EPG5: variants seen among roughly 807,000 people sequenced by gnomAD.
The protein encoded by EPG5 is ectopic P-granules 5 autophagy tethering factor.
Under a neutral mutation model 302.7 loss-of-function variants are expected in EPG5, and 159 were observed. The ratio of observed to expected loss-of-function variants is 0.53; its 90% CI spans 0.46 to 0.60. The LOEUF is 0.60. Among genes scored for constraint, EPG5 ranks in the 20% least tolerant of loss-of-function variants. The pLI is 0.00. For missense variants in EPG5, 2,896 were observed against 3,092.4 expected (o/e 0.94, Z 1.51); for synonymous variants, 1,158 against 1,136.8 (o/e 1.02, Z -0.37).
At chr18:45,939,453 C>A in intron 10 of EPG5, 147 bp downstream of exon 10, 1 of 699,846 alleles carries the variant, frequency 1.4e-6, no homozygotes, top group South Asian at 2.1e-5. Flanking sequence ...ATAAGGAAAC[C>A]AAGGCCCAAG....
chr18:45,904,036 G>T lies in EPG5; in HGVS notation c.4411C>A (p.Leu1471Ile). 6.2e-7 allele frequency: 1 copy of T among 1,613,382 alleles called. No homozygotes were observed. Residue 1471 changes from leucine (L) to isoleucine (I), a missense_variant, in exon 25 of 44, where the codon CTT becomes ATT. By Grantham distance (5) the Leu-to-Ile change is conservative. Coordinates refer to ENST00000282041, the MANE Select transcript of EPG5 (RefSeq NM_020964.3). Reference protein sequence around the residue: ...ETVGLWTQAKLESHSTPCSLS... With the variant: ...ETVGLWTQAKIESHSTPCSLS... ...CTGCAGGGTGTGGAATGGGACTCAAGCTTGGCCTGTGTCCACAGACCAACA... is the reference window on the plus strand; with the variant it reads ...CTGCAGGGTGTGGAATGGGACTCAATCTTGGCCTGTGTCCACAGACCAACA...
At chr18:45,813,853 C>T in the EPG5 span, among the ~76,000 whole-genome samples, 4 of 151,488 alleles carry the variant, frequency 2.6e-5, no homozygotes, top group African/African-American at 4.9e-5. Flanking sequence ...ACATGGCGCA[C>T]GTATACATAT....
intron 1 of EPG5, among the ~76,000 whole-genome samples, chr18:45,956,196 A>G (rs184855243): frequency 9.0e-4 from 137 of 152,342 alleles, no homozygotes; most frequent in Non-Finnish European, 1.6e-3. Context: ...CCCAGTAATG[A>G]GTAACCTCAA....
chr18:45,890,974 G>A (rs955545413), intron 27 of EPG5, among the ~76,000 whole-genome samples: 13 of 152,208 alleles, frequency 8.5e-5, no homozygotes, highest in African/African-American at 2.6e-4. Flanking sequence ...ACATTTAGAA[G>A]GCAAGAGTTC....
chr18:45,912,252 A>T (rs2049922188), intron 22 of EPG5, 38 bp downstream of exon 22: 1 of 1,515,722 alleles, frequency 6.6e-7, no homozygotes. Context: ...CAAAGGCAGA[A>T]ATGGACTCAC....
intron 21 of EPG5, among the ~76,000 whole-genome samples, chr18:45,913,090 C>CAAAAAAAAAAAAAAAA (rs34356703): frequency 9.2e-6 from 1 of 108,350 alleles, no homozygotes. Context: ...GACTCTGTCT[C>CAAAAAAAAAAAAAAAA]AAAAAAAAAA....
chr18:45,846,936 A>C (rs1278073085), downstream of EPG5, among the ~76,000 whole-genome samples: 1 of 152,248 alleles, frequency 6.6e-6, no homozygotes, highest in African/African-American at 2.4e-5. Flanking sequence ...GGGTCCCCAC[A>C]AAGATGCCCA....
Position 45,855,477 on chromosome 18 carries a change from A to G in EPG5, c.7557+96T>C. On this transcript the variant is annotated intron_variant, in intron 43 of 43. Coordinates refer to ENST00000282041, the MANE Select transcript of EPG5 (RefSeq NM_020964.3). ...GAACACTGTGCTACCACCACAGAGC[A>G]TCATGTCATGACGCGCACAGGCTAC... 3 of 794,248 alleles carry G rather than the reference A, an allele frequency of 3.8e-6. No homozygotes were observed. In the South Asian group the frequency reaches 4.9e-5, roughly 13 times the overall value. The allele number at this position is 794,248 out of a possible 1,614,324, so 49.2% of individuals were successfully genotyped here.
Position 45,923,374 on chromosome 18 carries a change from A to C in EPG5, c.2732T>G (p.Leu911Arg). Residue 911 changes from leucine to arginine, a missense_variant, in exon 15 of 44, where the codon CTG (leucine) becomes CGG (arginine). Physicochemically the swap from Leu to Arg is moderately radical, Grantham distance 102. Transcript: ENST00000282041. ...CACTTCAGCATGGACTGCTTGATCC[A>C]GATGAAGGGTAGCCTTTTAAAGAGA... ...WGFAKQATLHLDQAVHAEVAL... is the reference protein window; with the variant it reads ...WGFAKQATLHRDQAVHAEVAL... The C allele has an allele frequency of 6.2e-7, 1 of 1,613,050 alleles. No individual in the cohort carries two copies.
chr18:45,824,525 A>T, the EPG5 span, among the ~76,000 whole-genome samples: 1 of 152,234 alleles, frequency 6.6e-6, no homozygotes, highest in African/African-American at 2.4e-5. Flanking sequence ...ATGAAATGTC[A>T]TGAAAGGGTT....
intron 1 of EPG5, among the ~76,000 whole-genome samples, chr18:45,957,369 C>T (rs1183231902): frequency 1.3e-5 from 2 of 152,184 alleles, no homozygotes; most frequent in African/African-American, 4.8e-5. Flanking sequence ...ATGCATACCT[C>T]ATACAAACTA....
chr18:45,917,716 A>G lies in EPG5; in HGVS notation c.3202T>C (p.Phe1068Leu), dbSNP rs768198385. The G allele has an allele frequency of 6.2e-7, 1 of 1,614,172 alleles. No individual in the cohort carries two copies. Among genetic ancestry groups the G allele is most frequent in the Non-Finnish European group, 8.5e-7 (1 of 1,180,006 alleles). Residue 1068 changes from phenylalanine to leucine, a missense_variant, in exon 17 of 44, where the codon TTT becomes CTT. Phe to Leu is a conservative substitution (Grantham distance 22). Around this residue, in one of 5 missense-constraint regions of EPG5, gnomAD observed 1,390 missense variants for 1,430.0 expected, o/e 0.97. Coordinates refer to ENST00000282041, the MANE Select transcript of EPG5 (RefSeq NM_020964.3). Reference sequence around the variant, plus strand: ...AGAAGGTAATACTGGCAAGGGTAAAATAAAGGCAGAATCTTATCCAGGACA... The same window carrying G: ...AGAAGGTAATACTGGCAAGGGTAAAGTAAAGGCAGAATCTTATCCAGGACA... ...VHVLDKILPL[F>L]YPCQYYLLKN...
intron 43 of EPG5, among the ~76,000 whole-genome samples, chr18:45,854,228 C>T (rs1486556425): frequency 6.6e-6 from 1 of 152,238 alleles, no homozygotes; most frequent in Non-Finnish European, 1.5e-5. Context: ...GCTGTCTAGG[C>T]AATGAGTGAC....
intron 22 of EPG5, among the ~76,000 whole-genome samples, chr18:45,911,996 G>T (rs1463490905): frequency 1.3e-5 from 2 of 152,154 alleles, no homozygotes; most frequent in Non-Finnish European, 2.9e-5. Flanking sequence ...GTTTAAGGCA[G>T]TTGCTCTCCC....
chr18:45,940,790 T>C (rs1057139275), intron 9 of EPG5, among the ~76,000 whole-genome samples: 4 of 152,150 alleles, frequency 2.6e-5, no homozygotes, highest in African/African-American at 7.2e-5. Flanking sequence ...TGCAGTTAGA[T>C]TGAATGTGGG....
rs553120917 is a variant in EPG5, at chr18:45,923,179, T to C, written c.2838+89A>G. 2.9e-6 allele frequency: 4 copies of C among 1,375,364 alleles called. No homozygotes were observed. In the African/African-American group the frequency reaches 4.3e-5, roughly 15 times the overall value. 85.2% of individuals were successfully genotyped at this position (1,375,364 alleles called of 1,614,324 possible). On this transcript the variant is annotated intron_variant, in intron 15 of 43. Transcript: ENST00000282041. ...CTAGAAATGTTCTTAGGATACCTAATGGTCAATAGTATAAGTCTATCATCT... is the reference window on the plus strand; with the variant it reads ...CTAGAAATGTTCTTAGGATACCTAACGGTCAATAGTATAAGTCTATCATCT...
chr18:45,875,612 A>C (rs2048951621), intron 35 of EPG5, among the ~76,000 whole-genome samples: 1 of 152,196 alleles, frequency 6.6e-6, no homozygotes, highest in East Asian at 1.9e-4. Flanking sequence ...TAAAGCAAAA[A>C]AAGACAGAAA....
In EPG5 at chr18:45,860,328, C is replaced by T. The variant is rs375960377; in HGVS notation, c.6785G>A (p.Arg2262His). The T allele has an allele frequency of 6.0e-5, 97 of 1,614,102 alleles. No homozygotes were observed. The highest frequency in any genetic ancestry group is 7.9e-5 in the Non-Finnish European group (93 of 1,180,046). Residue 2262 changes from arginine to histidine, a missense_variant, in exon 40 of 44, where the codon CGC becomes CAC. This residue lies in a region of EPG5 where 620 missense variants were observed against 704.2 expected (regional missense o/e 0.88). Transcript: ENST00000282041. The stretch of plus-strand genomic sequence containing the variant: ...AAAGAGGCTGCTGAGGGCCATGTGG[C>T]GGGTCTGGCTGTCCATGTCTGAAAG... ...FNPPDMDSQT[R>H]HMALSSLFME...
chr18:45,877,797 T>A (rs1410919140), intron 34 of EPG5, among the ~76,000 whole-genome samples: 10 of 152,284 alleles, frequency 6.6e-5, no homozygotes, highest in Admixed American at 5.2e-4. Context: ...ACAACTCCTA[T>A]AATGTGATGT....
Sources: allele counts gnomAD v4.1 joint callset (sites outside exome capture counted in the v4.1 genomes callset), GRCh38; gene constraint gnomAD v4.1.1; regional missense constraint gnomAD v4.1.1; transcripts MANE v1.5; gene names NCBI Gene and HGNC (gene_info 2026-07-23, HGNC 2026-07-21).